CDH4: variants seen among roughly 807,000 people sequenced by gnomAD.
CDH4 encodes cadherin-4.
CDH4 carries 33 observed loss-of-function variants against 86.0 expected under a neutral mutation model. The ratio of observed to expected loss-of-function variants is 0.38; its 90% confidence interval spans 0.29 to 0.51. CDH4 has a LOEUF of 0.51. Ranked by LOEUF, CDH4 falls within the 20% of genes least tolerant of loss-of-function variation. CDH4 has a pLI of 0.86. For missense variants in CDH4, 1,114 were observed against 1,307.4 expected, an observed-to-expected ratio of 0.85 and a Z score of 2.28; for synonymous variants, 555 against 549.4, an observed-to-expected ratio of 1.01 and a Z score of -0.14.
chr20:61,279,898 A>G (rs1348991331), intron 2 of CDH4, among the ~76,000 whole-genome samples: 1 of 152,124 alleles, frequency 6.6e-6, no homozygotes, highest in Non-Finnish European at 1.5e-5. Context: ...CTGCTTGAAG[A>G]TACGGATACT....
At position 61,326,791 on chromosome 20, in the gene CDH4, G is replaced by A. The variant is rs545407055; in HGVS notation, c.169+71854G>A. Among the ~76,000 whole-genome samples, 53 of 152,248 alleles carry A rather than the reference G, an allele frequency of 3.5e-4. 1 individual carries two copies. The South Asian group carries it at 0.011, about 30-fold the overall frequency. ...TTTTTCATTTCCTTGGAGGAAAAAT[G>A]TATTTGATTTTAGGTGGATAGAAGG... On this transcript the variant is annotated intron_variant, in intron 2 of 15. Coordinates refer to ENST00000614565, the MANE Select transcript of CDH4 (RefSeq NM_001794.5).
intron 2 of CDH4, among the ~76,000 whole-genome samples, chr20:61,573,012 TGATGGATGGATGGATGGTTGGATGGATG>T (rs1568692525): frequency 5.3e-5 from 7 of 131,252 alleles, no homozygotes; most frequent in African/African-American, 2.1e-4. Flanking sequence ...ATGGATGGAT[TGATGGATGGATGGATGGTTGGATGGATG>T]GATGGATGGA....
chr20:61,540,104 T>C (rs942704384), intron 2 of CDH4, among the ~76,000 whole-genome samples: 3 of 152,048 alleles, frequency 2.0e-5, no homozygotes, highest in Admixed American at 1.3e-4. Context: ...CTGAATAGGG[T>C]GCATGCACCG....
At chr20:61,834,121 G>T (rs1753957200) in intron 4 of CDH4, among the ~76,000 whole-genome samples, 1 of 152,246 alleles carries the variant, frequency 6.6e-6, no homozygotes, top group Non-Finnish European at 1.5e-5. Context: ...TGCAGAGCAA[G>T]GGTGGGCCGG....
At chr20:61,330,111 A>T (rs1176901094) in intron 2 of CDH4, among the ~76,000 whole-genome samples, 1 of 152,046 alleles carries the variant, frequency 6.6e-6, no homozygotes, top group Non-Finnish European at 1.5e-5. Flanking sequence ...TGTTGATTCC[A>T]TGTCTTTGCT....
intron 15 of CDH4, 64 bp downstream of exon 15, chr20:61,934,284 A>C: frequency 1.4e-6 from 2 of 1,472,888 alleles, no homozygotes; most frequent in Non-Finnish European, 1.8e-6. Flanking sequence ...AAATTCTGGT[A>C]ACACACACAG....
At chr20:61,863,008 A>G (rs563470124) in intron 6 of CDH4, among the ~76,000 whole-genome samples, 145 of 152,290 alleles carry the variant, frequency 9.5e-4, no homozygotes, top group African/African-American at 3.2e-3. Flanking sequence ...ATGGCACTAG[A>G]TACTTGAAAG....
intron 4 of CDH4, among the ~76,000 whole-genome samples, chr20:61,826,121 C>A (rs1462264281): frequency 6.6e-6 from 1 of 152,178 alleles, no homozygotes; most frequent in Non-Finnish European, 1.5e-5. Context: ...CTCTAGAATG[C>A]ACGTCAGTAG....
intron 5 of CDH4, among the ~76,000 whole-genome samples, chr20:61,851,728 C>T (rs1013045312): frequency 1.2e-4 from 18 of 152,326 alleles, no homozygotes; most frequent in Middle Eastern, 6.8e-3. Context: ...CTGCCGGCAG[C>T]GCCCAGCCTC....
At chr20:61,522,423 C>G (rs1056740455) in intron 2 of CDH4, among the ~76,000 whole-genome samples, 1 of 152,210 alleles carries the variant, frequency 6.6e-6, no homozygotes, top group African/African-American at 2.4e-5. Flanking sequence ...TGAGGTGCTG[C>G]GCCGTCCCTG....
rs1359497850 is a variant in CDH4, at chr20:61,663,240, G to A, written c.170-80323G>A. 6.6e-6 allele frequency among the ~76,000 whole-genome samples: 1 copy of A among 152,232 alleles called. No homozygotes were observed. The highest frequency in any genetic ancestry group is 1.5e-5 in the Non-Finnish European group (1 of 68,038). On this transcript the variant is annotated intron_variant, in intron 2 of 15. Coordinates refer to ENST00000614565, the MANE Select transcript of CDH4 (RefSeq NM_001794.5). This position sits in a 1 kb window ranked among gnomAD's most constrained non-coding sequence, Gnocchi z 5.0. ...TCTGTGACAAAGCCCCTGTCCCAGA[G>A]GAGCTTTCATCGAGGGCTTGGCGCC...
At chr20:61,299,394 C>T (rs1600846522) in intron 2 of CDH4, among the ~76,000 whole-genome samples, 1 of 152,188 alleles carries the variant, frequency 6.6e-6, no homozygotes. Flanking sequence ...AGACAGAATC[C>T]ATTTCCATTG....
intron 9 of CDH4, among the ~76,000 whole-genome samples, chr20:61,915,865 T>C (rs906614954): frequency 1.3e-5 from 2 of 152,210 alleles, no homozygotes; most frequent in Non-Finnish European, 2.9e-5. Flanking sequence ...TGACTCTTAC[T>C]GCATGTCAAT....
At position 61,532,273 on chromosome 20, in the gene CDH4, G is replaced by A. The variant is rs112015724; in HGVS notation, c.170-211290G>A. The stretch of plus-strand genomic sequence containing the variant: ...TTCTCTCTGTCCCCTGCCTCCAGGC[G>A]GGACTGCACCTAAACTAAGTCATGT... On this transcript the variant is annotated intron_variant, in intron 2 of 15. Transcript: ENST00000614565. Among the ~76,000 whole-genome samples, 1,513 of 152,292 alleles carry A rather than the reference G, an allele frequency of 9.9e-3. 15 individuals carry two copies. The highest frequency in any genetic ancestry group is 0.025 in the African/African-American group (1,053 of 41,564).
intron 2 of CDH4, among the ~76,000 whole-genome samples, chr20:61,720,591 G>A (rs141525604): frequency 1.3e-5 from 2 of 151,390 alleles, no homozygotes; most frequent in African/African-American, 2.4e-5. Flanking sequence ...GAGTAGGGGT[G>A]TACAGTGCAG....
intron 3 of CDH4, among the ~76,000 whole-genome samples, chr20:61,752,809 C>T (rs1340005012): frequency 6.6e-6 from 1 of 152,154 alleles, no homozygotes; most frequent in Non-Finnish European, 1.5e-5. Flanking sequence ...TGACCGCACT[C>T]CCATGAAGTC....
chr20:61,754,397 C>T lies in CDH4; in HGVS notation c.396+10608C>T, dbSNP rs1291758732. ...CTCTTGATGCAGCCACTCTTCCCTC[C>T]AGGGCTGTTGAGGACAAGTCCCCGC... is the stretch of plus-strand genomic sequence containing the variant. On this transcript the variant is annotated intron_variant, in intron 3 of 15. Transcript: ENST00000614565. The surrounding 1 kb of genome is among the most constrained non-coding windows in gnomAD (Gnocchi z 4.7). Among the ~76,000 whole-genome samples, 1 of 152,112 alleles carries T rather than the reference C, an allele frequency of 6.6e-6. No homozygotes were observed. Among genetic ancestry groups the T allele is most frequent in the Admixed American group, 6.5e-5 (1 of 15,274 alleles).
At chr20:61,282,945 G>GGT (rs2084269468) in intron 2 of CDH4, among the ~76,000 whole-genome samples, 2 of 8,648 alleles carry the variant, frequency 2.3e-4, no homozygotes, top group African/African-American at 5.1e-4. Flanking sequence ...CGTGTGCTGT[G>GGT]GCGTGTGATG....
chr20:61,758,812 C>T (rs1038739289), intron 3 of CDH4, among the ~76,000 whole-genome samples: 2 of 152,192 alleles, frequency 1.3e-5, no homozygotes, highest in Non-Finnish European at 2.9e-5. Context: ...GCTGAGAGGG[C>T]GCACAGGCGT....
Sources: allele counts gnomAD v4.1 joint callset (sites outside exome capture counted in the v4.1 genomes callset), GRCh38; gene constraint gnomAD v4.1.1; non-coding constraint Gnocchi (gnomAD v3.1); transcripts MANE v1.5; gene names NCBI Gene and HGNC (gene_info 2026-07-23, HGNC 2026-07-21).